Variants in NDRG2 observed in about 807,000 individuals in gnomAD.
The protein encoded by NDRG2 is protein NDRG2.
In NDRG2, 34 loss-of-function variants were observed where a neutral mutation model predicts 58.2. The observed-to-expected ratio is 0.58, with a 90% CI of 0.44 to 0.78. The LOEUF is 0.78. NDRG2 is among the 30% of genes least tolerant of loss of function. The probability of loss-of-function intolerance (pLI) is 0.00; values close to 1 mark genes in which losing one functional copy is unlikely to be tolerated. For missense variants in NDRG2, 434 were observed against 471.2 expected (o/e 0.92, Z 0.73); for synonymous variants, 187 against 175.9 (o/e 1.06, Z -0.50).
rs546510187 is a variant in NDRG2 at position 21,017,087 on chromosome 14, A to G, written c.*509T>C. On this transcript the variant is annotated 3_prime_UTR_variant, in exon 16 of 16. Transcript: ENST00000556147. Reference sequence around the variant, plus strand: ...CACTGGATGTTTCTATCACATCCTGAGGACCACTAACCCACCAGCAAGTCT... The same window carrying G: ...CACTGGATGTTTCTATCACATCCTGGGGACCACTAACCCACCAGCAAGTCT... 4.5e-6 allele frequency: 2 copies of G among 444,184 alleles called. No homozygotes were observed. The highest frequency in any genetic ancestry group is 1.6e-5 in the South Asian group (1 of 63,438). 27.5% of individuals were successfully genotyped at this position (444,184 alleles called of 1,614,324 possible).
chr14:21,023,059 G>T (rs878875646), intron 2 of NDRG2, 154 bp from the exon 3 acceptor site: 1 of 1,023,730 alleles, frequency 9.8e-7, no homozygotes, highest in Non-Finnish European at 1.5e-6. Context: ...AAGGATGAAG[G>T]TTAGTGTAGT....
intron 1 of NDRG2, chr14:21,033,776 C>T: frequency 1.6e-6 from 2 of 1,261,590 alleles, no homozygotes; most frequent in Non-Finnish European, 2.3e-6. Flanking sequence ...GAAATGGAGA[C>T]AGCTGGCCTG....
Position 21,070,856 on chromosome 14 carries a change from G to A in NDRG2, c.-5C>T, listed in dbSNP as rs1322732235. On this transcript the variant is annotated 5_prime_UTR_variant, in exon 1 of 15. Transcript: ENST00000403829. The surrounding 1 kb of genome is among the most constrained non-coding windows in gnomAD (Gnocchi z 4.7). ...CATGGAACCACCATTTTCCATCCCT[G>A]TCCCCAACCCGGTGAGGCAGGCCCA... The A allele has an allele frequency of 1.3e-6, 2 of 1,535,486 alleles. No homozygotes were observed. Among genetic ancestry groups the A allele is most frequent in the Non-Finnish European group, 1.7e-6 (2 of 1,146,850 alleles).
intron 1 of NDRG2, among the ~76,000 whole-genome samples, chr14:21,055,626 T>A (rs1358390525): frequency 6.6e-6 from 1 of 152,162 alleles, no homozygotes; most frequent in African/African-American, 2.4e-5. Flanking sequence ...GGAAAGCATG[T>A]TTGCAACGTA....
intron 1 of NDRG2, among the ~76,000 whole-genome samples, chr14:21,049,798 T>A (rs1400619576): frequency 1.3e-5 from 2 of 150,964 alleles, no homozygotes; most frequent in East Asian, 3.9e-4. Flanking sequence ...AGAGTCTTGC[T>A]CTGTCACCCA....
intron 1 of NDRG2, among the ~76,000 whole-genome samples, chr14:21,048,097 G>C (rs1400995977): frequency 6.6e-6 from 1 of 152,012 alleles, no homozygotes; most frequent in Non-Finnish European, 1.5e-5. Flanking sequence ...CTCCTTGGGA[G>C]AGCTTCAACT....
intron 3 of NDRG2, 50 bp from the exon 4 acceptor site, chr14:21,022,547 G>C (rs777245014): frequency 7.1e-7 from 1 of 1,400,522 alleles, no homozygotes; most frequent in Non-Finnish European, 1.0e-6. Context: ...GACGAGGCCA[G>C]AAAAGGAGCA....
At chr14:21,069,406 G>A (rs770810355) in intron 1 of NDRG2, among the ~76,000 whole-genome samples, 90 of 152,210 alleles carry the variant, frequency 5.9e-4, no homozygotes, top group Non-Finnish European at 2.1e-4. Flanking sequence ...GAAGGGGCTG[G>A]CATCCAGTAC....
chr14:21,044,214 G>A (rs965954614), intron 1 of NDRG2: 1 of 166,758 alleles, frequency 6.0e-6, no homozygotes, highest in African/African-American at 2.4e-5. Flanking sequence ...TGCAATAAAG[G>A]TCATTACCTC....
intron 1 of NDRG2, among the ~76,000 whole-genome samples, chr14:21,039,610 C>G (rs1223429876): frequency 6.6e-6 from 1 of 152,218 alleles, no homozygotes; most frequent in Non-Finnish European, 1.5e-5. Context: ...CAAGGTGAAG[C>G]AGATCTTGGA....
Position 21,023,223 on chromosome 14 carries a change from C to G in NDRG2, c.75+18G>C. On this transcript the variant is annotated intron_variant, in intron 2 of 15. Transcript: ENST00000556147. ...AGGTCTGGAATTTGGGCATGGGAGT[C>G]AAACGGTCTCTAATAACCTTGGCCG... The G allele has an allele frequency of 6.2e-7, 1 of 1,612,170 alleles. No individual in the cohort carries two copies. The highest frequency in any genetic ancestry group is 8.5e-7 in the Non-Finnish European group (1 of 1,178,546).
At chr14:21,022,975 G>C in intron 2 of NDRG2, 70 bp from the exon 3 acceptor site, 1 of 1,558,694 alleles carries the variant, frequency 6.4e-7, no homozygotes, top group Non-Finnish European at 8.8e-7. Context: ...GAGACAAACA[G>C]ACAAAGAGAG....
chr14:21,026,149 C>G (rs1282400473), upstream of NDRG2, among the ~76,000 whole-genome samples: 1 of 151,464 alleles, frequency 6.6e-6, no homozygotes, highest in East Asian at 1.9e-4. Context: ...CACACACGCA[C>G]ACGCACACAC....
In NDRG2 at chr14:21,019,305, G is replaced by T. The variant is rs1282149474; in HGVS notation, c.717-145C>A. On this transcript the variant is annotated intron_variant, in intron 10 of 15. Transcript: ENST00000556147. ...TAAAGGTGGAAACCAAAGGAGAAAGGGGCAGGCAGGCCCCAAGCACAGCCC... is the reference window on the plus strand; with the variant it reads ...TAAAGGTGGAAACCAAAGGAGAAAGTGGCAGGCAGGCCCCAAGCACAGCCC... 3.1e-5 allele frequency: 24 copies of T among 780,630 alleles called. 1 individual carries two copies. In the South Asian group the frequency reaches 4.2e-4, roughly 14 times the overall value. The allele number at this position is 780,630 out of a possible 1,614,324, so 48.4% of individuals were successfully genotyped here.
At chr14:21,061,213 A>G (rs1479186628) in intron 1 of NDRG2, among the ~76,000 whole-genome samples, 1 of 152,204 alleles carries the variant, frequency 6.6e-6, no homozygotes, top group Admixed American at 6.5e-5. Flanking sequence ...TATTTCTGGC[A>G]CAGCATTAGG....
rs748565093 is a variant in NDRG2, at chr14:21,019,158, C to T, written c.719G>A (p.Arg240His). 4.3e-6 allele frequency: 7 copies of T among 1,610,970 alleles called. No homozygotes were observed. The highest frequency in any genetic ancestry group is 1.3e-5 in the African/African-American group (1 of 74,610). ...IELYWNSYNNRRDLNFERGGD... is the reference protein window; with the variant it reads ...IELYWNSYNNHRDLNFERGGD... ...TCCACGCTCAAAGTTCAGGTCTCGG[C>T]GGCTAGAAAGGGGTTAAAAGAGTAG... is the stretch of plus-strand genomic sequence containing the variant. Residue 240 changes from arginine to histidine, a missense_variant and splice_region_variant, in exon 11 of 16, where the codon CGC becomes CAC. Transcript: ENST00000556147.
At chr14:21,030,294 G>T (rs1278907769), upstream of NDRG2, 10 of 367,700 alleles carry the variant, frequency 2.7e-5, no homozygotes, top group East Asian at 5.1e-4. Context: ...CCACCATCCG[G>T]GTACTCTAAG....
At chr14:21,037,767 G>T (rs1594490581) in intron 1 of NDRG2, among the ~76,000 whole-genome samples, 1 of 152,212 alleles carries the variant, frequency 6.6e-6, no homozygotes, top group East Asian at 1.9e-4. Context: ...GATTGTAATG[G>T]TGCTGATTCT....
chr14:21,032,096 C>G, intron 1 of NDRG2: 1 of 1,606,946 alleles, frequency 6.2e-7, no homozygotes, highest in East Asian at 2.2e-5. Context: ...TTCATCTCAG[C>G]CTGCTAGCCC....
Sources: allele counts gnomAD v4.1 joint callset (sites outside exome capture counted in the v4.1 genomes callset), GRCh38; gene constraint gnomAD v4.1.1; non-coding constraint Gnocchi (gnomAD v3.1); transcripts MANE v1.5; gene names NCBI Gene and HGNC (gene_info 2026-07-23, HGNC 2026-07-21).